Variants in TRIM11 observed in about 807,000 individuals in gnomAD.
TRIM11 encodes tripartite motif containing 11.
Under a neutral mutation model 33.4 loss-of-function variants are expected in TRIM11, and 15 were observed. That is an observed-to-expected ratio of 0.45 (90% CI 0.30 to 0.69). The LOEUF is 0.69. TRIM11 is among the 30% of genes least tolerant of loss of function. The pLI is 0.08. For missense variants in TRIM11, 499 were observed against 667.6 expected (o/e 0.75, Z 2.78); for synonymous variants, 281 against 302.6 (o/e 0.93, Z 0.74).
At chr1:228,397,388 G>T in intron 3 of TRIM11, 1 of 597,736 alleles carries the variant, frequency 1.7e-6, no homozygotes, top group Non-Finnish European at 3.0e-6. Flanking sequence ...CACCAATGGG[G>T]TGCAGCCCAG....
rs1178544875 is a variant in TRIM11 at position 228,394,440 on chromosome 1, C to G, written c.*265G>C. ...CAGAGCTGCCGGGGCAATGGGGCTCCCAGCTTTGGTAAGGGCTGTTGGCAT... is the reference window on the plus strand; with the variant it reads ...CAGAGCTGCCGGGGCAATGGGGCTCGCAGCTTTGGTAAGGGCTGTTGGCAT... On this transcript the variant is annotated 3_prime_UTR_variant, in exon 6 of 6. Transcript: ENST00000284551. The surrounding 1 kb of genome is among the most constrained non-coding windows in gnomAD (Gnocchi z 6.2). 1 of 477,502 alleles carries G rather than the reference C, an allele frequency of 2.1e-6. No individual in the cohort carries two copies. The highest frequency in any genetic ancestry group is 3.3e-5 in the East Asian group (1 of 30,394). 29.6% of individuals were successfully genotyped at this position (477,502 alleles called of 1,614,324 possible). A position where few individuals can be genotyped will look rare whatever the true frequency, so the allele number is the denominator to read the frequency against.
Position 228,400,928 on chromosome 1 carries a change from C to T in TRIM11, c.735+36G>A, listed in dbSNP as rs752343618. ...TCCCCCAGTGTGGCCAGGCCATGCC[C>T]GTGTGGCCACCATGGCTGCTCCCCG... On this transcript the variant is annotated intron_variant, in intron 3 of 5. Transcript: ENST00000284551. This position sits in a 1 kb window ranked among gnomAD's most constrained non-coding sequence, Gnocchi z 4.5. The T allele has an allele frequency of 6.6e-6, 10 of 1,505,628 alleles. No individual in the cohort carries two copies. The highest frequency in any genetic ancestry group is 2.6e-5 in the South Asian group (2 of 76,456). The allele number at this position is 1,505,628 out of a possible 1,614,324, so 93.3% of individuals were successfully genotyped here. A position where few individuals can be genotyped will look rare whatever the true frequency, so the allele number is the denominator to read the frequency against.
At chr1:228,397,556 G>A (rs575340534) in intron 3 of TRIM11, 26 of 214,302 alleles carry the variant, frequency 1.2e-4, no homozygotes, top group Non-Finnish European at 2.2e-4. Flanking sequence ...ACCCCAGCTG[G>A]AGCCCAACCC....
Position 228,400,953 on chromosome 1 carries a change from G to T in TRIM11, c.735+11C>A. On this transcript the variant is annotated intron_variant, in intron 3 of 5. Coordinates refer to ENST00000284551, the MANE Select transcript of TRIM11 (RefSeq NM_145214.3). The surrounding 1 kb of genome is among the most constrained non-coding windows in gnomAD (Gnocchi z 4.5). ...CGTGTGGCCACCATGGCTGCTCCCCGCCCAGCTCACCTGCAGCAGCCCCAG... is the reference window on the plus strand; with the variant it reads ...CGTGTGGCCACCATGGCTGCTCCCCTCCCAGCTCACCTGCAGCAGCCCCAG... 2 of 1,547,540 alleles carry T rather than the reference G, an allele frequency of 1.3e-6. No homozygotes were observed. Among genetic ancestry groups the T allele is most frequent in the East Asian group, 2.3e-5 (1 of 43,036 alleles).
intron 1 of TRIM11, chr1:228,405,927 T>C (rs1026256178): frequency 4.9e-6 from 2 of 408,544 alleles, no homozygotes; most frequent in African/African-American, 2.2e-5. Flanking sequence ...TTGGCGGCCA[T>C]GGTCCCAGCC....
chr1:228,394,213 A>T lies in TRIM11; in HGVS notation c.*492T>A, dbSNP rs2074957428. The T allele has an allele frequency of 6.4e-6, 1 of 157,118 alleles. No homozygotes were observed. Among genetic ancestry groups the T allele is most frequent in the African/African-American group, 2.4e-5 (1 of 41,650 alleles). The allele number at this position is 157,118 out of a possible 1,614,324, so 9.7% of individuals were successfully genotyped here. ...TTCTTCCAGAGCAGCCACACCCAGG[A>T]CTGTGACGGGCTCTCACCCACTGTG... On this transcript the variant is annotated 3_prime_UTR_variant, in exon 6 of 6. Coordinates refer to ENST00000284551, the MANE Select transcript of TRIM11 (RefSeq NM_145214.3). This position sits in a 1 kb window ranked among gnomAD's most constrained non-coding sequence, Gnocchi z 6.2.
At chr1:228,399,402 G>A (rs562394939) in intron 3 of TRIM11, among the ~76,000 whole-genome samples, 2 of 152,316 alleles carry the variant, frequency 1.3e-5, no homozygotes, top group African/African-American at 4.8e-5. Flanking sequence ...GCATGGACGG[G>A]TGGGCCACTC....
chr1:228,404,102 C>A (rs540423617), intron 1 of TRIM11: 2 of 152,264 alleles, frequency 1.3e-5, no homozygotes, highest in Non-Finnish European at 2.9e-5. Flanking sequence ...AGAACAGAAA[C>A]CTCTTACCCT....
chr1:228,401,200 G>A lies in TRIM11; in HGVS notation c.505-6C>T. ...CGCTGGCTCTCCACCATCTTCTGTG[G>A]AGCCCAGGGAGAAGGACAGCTGAGG... On this transcript the variant is annotated splice_region_variant and splice_polypyrimidine_tract_variant and intron_variant, in intron 2 of 5. Coordinates refer to ENST00000284551, the MANE Select transcript of TRIM11 (RefSeq NM_145214.3). The surrounding 1 kb of genome is among the most constrained non-coding windows in gnomAD (Gnocchi z 6.1). 6.2e-7 allele frequency: 1 copy of A among 1,611,376 alleles called. No homozygotes were observed.
Position 228,406,172 on chromosome 1 carries a change from G to A in TRIM11, c.390C>T (p.Asp130=), listed in dbSNP as rs1427873628. 1 of 1,420,542 alleles carries A rather than the reference G, an allele frequency of 7.0e-7. No individual in the cohort carries two copies. The highest frequency in any genetic ancestry group is 2.9e-5 in the East Asian group (1 of 33,910). 88.0% of individuals were successfully genotyped at this position (1,420,542 alleles called of 1,614,324 possible). The change falls in exon 1 of 6, where the codon GAC becomes GAT. Residue 130 remains aspartate, a synonymous_variant. Transcript: ENST00000284551. The surrounding 1 kb of genome is among the most constrained non-coding windows in gnomAD (Gnocchi z 8.2). ...GGAGCACCTTGAGGTCTTCGGCCGCGTCCTGCAGCGGCCGCACGCGGTGCG... is the reference window on the plus strand; with the variant it reads ...GGAGCACCTTGAGGTCTTCGGCCGCATCCTGCAGCGGCCGCACGCGGTGCG... ...HWAHRVRPLQ[D]AAEDLKAKLE...
Position 228,406,009 on chromosome 1 carries a change from GC to G in TRIM11, c.408+144del. The G allele has an allele frequency of 1.1e-6, 1 of 949,082 alleles. No individual in the cohort carries two copies. The highest frequency in any genetic ancestry group is 3.3e-5 in the East Asian group (1 of 30,180). 58.8% of individuals were successfully genotyped at this position (949,082 alleles called of 1,614,324 possible). On this transcript the variant is annotated intron_variant, in intron 1 of 5. Coordinates refer to ENST00000284551, the MANE Select transcript of TRIM11 (RefSeq NM_145214.3). The surrounding 1 kb of genome is among the most constrained non-coding windows in gnomAD (Gnocchi z 8.2). Reference sequence around the variant, plus strand: ...ACCCTGCGCGACACCCCCCTCACAGGCCCACAGCAGGCTGCATCCTGAGCTC... The same window carrying G: ...ACCCTGCGCGACACCCCCCTCACAGGCCACAGCAGGCTGCATCCTGAGCTC...
At chr1:228,402,881 T>TGCCATGTGCAATGGCAGC (rs1407201315) in intron 1 of TRIM11, 2 of 152,230 alleles carry the variant, frequency 1.3e-5, no homozygotes, top group Non-Finnish European at 1.5e-5. Flanking sequence ...AGTCTCCAGC[T>TGCCATGTGCAATGGCAGC]TGTATACATC....
chr1:228,402,216 C>A, intron 1 of TRIM11, 55 bp from the exon 2 acceptor site: 4 of 1,370,558 alleles, frequency 2.9e-6, no homozygotes, highest in Admixed American at 1.9e-5. Context: ...CAGAAGCCTG[C>A]CCTTTTGCAC....
intron 1 of TRIM11, chr1:228,405,526 T>C (rs1656376875): frequency 6.6e-6 from 1 of 152,110 alleles, no homozygotes; most frequent in Non-Finnish European, 1.5e-5. Context: ...TCGGGTTTTA[T>C]TTGGGTTTTA....
At chr1:228,396,274 C>G (rs886658373) in intron 5 of TRIM11, 1 of 194,582 alleles carries the variant, frequency 5.1e-6, no homozygotes, top group African/African-American at 2.3e-5. Context: ...TGAGCCCCAT[C>G]ACCAATGACC....
At chr1:228,405,054 G>A (rs1656352583) in intron 1 of TRIM11, 1 of 152,222 alleles carries the variant, frequency 6.6e-6, no homozygotes, top group African/African-American at 2.4e-5. Flanking sequence ...CAACTCTATA[G>A]AGCTATTGGG....
chr1:228,399,322 T>C (rs897531249), intron 3 of TRIM11, among the ~76,000 whole-genome samples: 1 of 152,110 alleles, frequency 6.6e-6, no homozygotes, highest in African/African-American at 2.4e-5. Context: ...TGCTGGCAGG[T>C]TGGGGGGACA....
In TRIM11 at chr1:228,406,196, C is replaced by T; in HGVS notation, c.366G>A (p.Ala122=). 3 of 1,445,818 alleles carry T rather than the reference C, an allele frequency of 2.1e-6. No individual in the cohort carries two copies. The highest frequency in any genetic ancestry group is 1.8e-6 in the Non-Finnish European group (2 of 1,108,296). The allele number at this position is 1,445,818 out of a possible 1,614,324, so 89.6% of individuals were successfully genotyped here. A position where few individuals can be genotyped will look rare whatever the true frequency, so the allele number is the denominator to read the frequency against. ...CGTCCTGCAGCGGCCGCACGCGGTG[C>T]GCCCAGTGCTCCCCAGAGCGCTCGC... ...AACERSGEHW[A]HRVRPLQDAA... The change falls in exon 1 of 6, where the codon GCG becomes GCA. Residue 122 remains alanine (A), a synonymous_variant. Coordinates refer to ENST00000284551, the MANE Select transcript of TRIM11 (RefSeq NM_145214.3). The surrounding 1 kb of genome is among the most constrained non-coding windows in gnomAD (Gnocchi z 8.2).
chr1:228,406,096 G>C lies in TRIM11; in HGVS notation c.408+58C>G. On this transcript the variant is annotated intron_variant, in intron 1 of 5. Transcript: ENST00000284551. The surrounding 1 kb of genome is among the most constrained non-coding windows in gnomAD (Gnocchi z 8.2). ...GTCCCCCAAACCTCCCACCCGCCCA[G>C]GCCTCCCCAGTCCCCGGCTCCCCGA... The C allele has an allele frequency of 5.8e-4, 395 of 675,754 alleles. No individual in the cohort carries two copies. The highest frequency in any genetic ancestry group is 7.6e-4 in the Non-Finnish European group (352 of 464,256). 41.9% of individuals were successfully genotyped at this position (675,754 alleles called of 1,614,324 possible).
Sources: gnomAD v4.1 joint callset for allele counts (sites outside exome capture counted in the v4.1 genomes callset) on GRCh38, gnomAD v4.1.1 for gene constraint, Gnocchi (gnomAD v3.1) non-coding constraint, MANE v1.5 for transcripts, NCBI Gene and HGNC (gene_info 2026-07-23, HGNC 2026-07-21) for gene names.